ROBO2: variants seen among roughly 807,000 people sequenced by gnomAD.
The protein encoded by ROBO2 is roundabout guidance receptor 2.
ROBO2 carries 53 observed loss-of-function variants against 160.8 expected under a neutral mutation model. The ratio of observed to expected loss-of-function variants is 0.33; its 90% CI spans 0.26 to 0.41. The LOEUF (loss-of-function observed/expected upper bound fraction) is 0.41. ROBO2 is among the 10% of genes least tolerant of loss of function. The pLI is 1.00. For missense variants in ROBO2, 1,577 were observed against 1,722.4 expected, an observed-to-expected ratio of 0.92 and a Z score of 1.49; for synonymous variants, 664 against 611.7, an observed-to-expected ratio of 1.09 and a Z score of -1.26.
chr3:77,038,669 A>G (rs1256067961), upstream of ROBO2, among the ~76,000 whole-genome samples: 5 of 151,914 alleles, frequency 3.3e-5, no homozygotes, highest in East Asian at 2.0e-4. Flanking sequence ...ACAAGCATCA[A>G]ACGGCTACCA....
intron 2 of ROBO2, among the ~76,000 whole-genome samples, chr3:76,528,747 G>T (rs949028318): frequency 4.6e-5 from 7 of 151,998 alleles, no homozygotes; most frequent in Admixed American, 1.3e-4. Context: ...TGATCACCAG[G>T]GGAAGGAGGA....
At chr3:76,015,481 TTTAAAC>T (rs759639716) in intron 2 of ROBO2, among the ~76,000 whole-genome samples, 13 of 152,204 alleles carry the variant, frequency 8.5e-5, no homozygotes, top group Non-Finnish European at 1.9e-4. Context: ...ATTTGTGACT[TTTAAAC>T]TAAAAATTTT....
At chr3:77,639,262 A>T (rs1046898488) in intron 24 of ROBO2, among the ~76,000 whole-genome samples, 2 of 152,222 alleles carry the variant, frequency 1.3e-5, no homozygotes, top group Admixed American at 6.5e-5. Context: ...TATTAAGTAT[A>T]TAACATATAA....
chr3:77,610,406 T>C (rs1236482143), intron 21 of ROBO2, among the ~76,000 whole-genome samples: 1 of 151,880 alleles, frequency 6.6e-6, no homozygotes, highest in African/African-American at 2.4e-5. Flanking sequence ...ACACACACAA[T>C]TTTGTATGAT....
chr3:76,882,824 C>G (rs1008701607), intron 2 of ROBO2, among the ~76,000 whole-genome samples: 18 of 152,240 alleles, frequency 1.2e-4, no homozygotes, highest in African/African-American at 4.1e-4. Context: ...ACTGGAAACT[C>G]AACTCTTGCA....
At chr3:76,469,747 G>A (rs984233765) in intron 2 of ROBO2, among the ~76,000 whole-genome samples, 3 of 151,806 alleles carry the variant, frequency 2.0e-5, no homozygotes, top group Admixed American at 6.6e-5. Context: ...TTCTACTCCC[G>A]CACCCCTATG....
chr3:75,964,591 T>A (rs536890620), intron 2 of ROBO2, among the ~76,000 whole-genome samples: 4 of 151,774 alleles, frequency 2.6e-5, no homozygotes, highest in Non-Finnish European at 4.4e-5. Context: ...ATATATTTTG[T>A]ATATTTGTAT....
intron 2 of ROBO2, among the ~76,000 whole-genome samples, chr3:77,291,636 T>A (rs1450080318): frequency 6.6e-6 from 1 of 151,394 alleles, no homozygotes; most frequent in Non-Finnish European, 1.5e-5. Context: ...ATGGGTAAGC[T>A]GAGGCTAGAT....
At chr3:76,610,830 C>T (rs1359608447) in intron 2 of ROBO2, among the ~76,000 whole-genome samples, 7 of 152,070 alleles carry the variant, frequency 4.6e-5, no homozygotes, top group Admixed American at 6.6e-5. Context: ...AGCAGGAGCA[C>T]GTTACAGCTC....
intron 2 of ROBO2, among the ~76,000 whole-genome samples, chr3:75,952,221 A>G (rs546210241): frequency 4.1e-4 from 63 of 152,006 alleles, no homozygotes; most frequent in African/African-American, 1.4e-3. Flanking sequence ...TTTAAACCAA[A>G]CTATGATTGA....
chr3:77,440,081 G>A (rs1294819513), intron 2 of ROBO2, among the ~76,000 whole-genome samples: 2 of 152,142 alleles, frequency 1.3e-5, no homozygotes, highest in Non-Finnish European at 2.9e-5. Flanking sequence ...GGATATAAAT[G>A]TAGCTAAAAC....
At chr3:76,090,200 C>T (rs1440980566) in intron 2 of ROBO2, among the ~76,000 whole-genome samples, 1 of 152,098 alleles carries the variant, frequency 6.6e-6, no homozygotes, top group South Asian at 2.1e-4. Flanking sequence ...GTGGCTCATG[C>T]TTGTAATCCC....
At chr3:76,397,776 T>C (rs1489799393) in intron 2 of ROBO2, among the ~76,000 whole-genome samples, 1 of 152,166 alleles carries the variant, frequency 6.6e-6, no homozygotes, top group African/African-American at 2.4e-5. Flanking sequence ...CACAATGGGA[T>C]ACCATCTCAC....
chr3:77,335,740 T>C (rs953082135), intron 2 of ROBO2, among the ~76,000 whole-genome samples: 1 of 152,054 alleles, frequency 6.6e-6, no homozygotes, highest in Non-Finnish European at 1.5e-5. Context: ...GGAAGAAACA[T>C]AGAAAATAAT....
chr3:77,252,831 A>AAAAATATATATATATATAT, intron 2 of ROBO2, among the ~76,000 whole-genome samples: 2 of 12,518 alleles, frequency 1.6e-4, no homozygotes, highest in Non-Finnish European at 2.1e-4. Context: ...AAAAAAAAAA[A>AAAAATATATATATATATAT]ATATATATAT....
chr3:76,924,348 A>T (rs1299568091), intron 2 of ROBO2, among the ~76,000 whole-genome samples: 1 of 152,170 alleles, frequency 6.6e-6, no homozygotes, highest in Non-Finnish European at 1.5e-5. Flanking sequence ...TTCTTTATAA[A>T]TGCTCTTAAA....
intron 2 of ROBO2, among the ~76,000 whole-genome samples, chr3:76,842,553 C>T (rs1007610910): frequency 6.6e-6 from 1 of 152,076 alleles, no homozygotes; most frequent in African/African-American, 2.4e-5. Context: ...TTTGATTGTC[C>T]TTATATGAAG....
At chr3:77,528,414 C>G (rs1301736999) in intron 6 of ROBO2, among the ~76,000 whole-genome samples, 1 of 150,202 alleles carries the variant, frequency 6.7e-6, no homozygotes, top group Non-Finnish European at 1.5e-5. Flanking sequence ...TATGTTGGTT[C>G]AGACTCACAC....
rs578116843 is a variant in ROBO2 at position 76,711,757 on chromosome 3, A to C, written c.110-386257A>C. ...CTTCTCACTTACCTGTCATGAAAGC[A>C]CTCTTTCTGGAATCTTTTTCTGCTT... On this transcript the variant is annotated intron_variant, in intron 2 of 26. Coordinates refer to the ROBO2 transcript ENST00000487694. Among the ~76,000 whole-genome samples the C allele has an allele frequency of 4.1e-4, 63 of 152,086 alleles. 1 individual carries two copies. The highest frequency in any genetic ancestry group is 1.5e-3 in the African/African-American group (61 of 41,482).
Sources: gnomAD v4.1 joint callset for allele counts (sites outside exome capture counted in the v4.1 genomes callset) on GRCh38, gnomAD v4.1.1 for gene constraint, MANE v1.5 for transcripts, NCBI Gene and HGNC (gene_info 2026-07-23, HGNC 2026-07-21) for gene names.